Variants in TP63 observed in about 807,000 individuals in gnomAD.
TP63 encodes tumor protein 63.
TP63 carries 17 observed loss-of-function variants against 82.8 expected under a neutral mutation model. That is an observed-to-expected ratio of 0.21 (90% CI 0.14 to 0.31). TP63 has a LOEUF of 0.31. Ranked by LOEUF, TP63 falls within the 10% of genes least tolerant of loss-of-function variation. The pLI, the probability that TP63 is intolerant of heterozygous loss-of-function variation, is 1.00. For synonymous variants in TP63, 330 were observed against 321.7 expected (o/e 1.03, Z -0.28); for missense variants, 648 against 895.3 (o/e 0.72, Z 3.52).
chr3:189,747,293 A>G (rs1560153836), intron 3 of TP63, among the ~76,000 whole-genome samples: 1 of 152,140 alleles, frequency 6.6e-6, no homozygotes, highest in African/African-American at 2.4e-5. Context: ...GCTACGGAAT[A>G]CAGATTCTTC....
intron 10 of TP63, chr3:189,873,267 T>C: frequency 2.0e-6 from 1 of 500,708 alleles, no homozygotes; most frequent in Non-Finnish European, 3.6e-6. Flanking sequence ...AGTTCTCGTC[T>C]CTATATGCCT....
intron 8 of TP63, among the ~76,000 whole-genome samples, chr3:189,868,917 C>T (rs561074099): frequency 6.6e-6 from 1 of 152,286 alleles, no homozygotes; most frequent in African/African-American, 2.4e-5. Flanking sequence ...AACAAGTAGT[C>T]ATTGTGACAA....
At chr3:189,644,605 G>C (rs1712235377) in intron 1 of TP63, among the ~76,000 whole-genome samples, 1 of 152,020 alleles carries the variant, frequency 6.6e-6, no homozygotes, top group Admixed American at 6.6e-5. Context: ...GCTGATTTCT[G>C]GGATTCTGGT....
At chr3:189,634,052 A>G (rs1453180151) in intron 1 of TP63, among the ~76,000 whole-genome samples, 1 of 152,110 alleles carries the variant, frequency 6.6e-6, no homozygotes, top group African/African-American at 2.4e-5. Context: ...TTAGTATGAT[A>G]ATGTATATGG....
chr3:189,637,025 T>C (rs939540260), intron 1 of TP63, among the ~76,000 whole-genome samples: 1 of 152,154 alleles, frequency 6.6e-6, no homozygotes, highest in Non-Finnish European at 1.5e-5. Flanking sequence ...GGCCAGAGCC[T>C]ATCTCAGCAG....
Position 189,871,859 on chromosome 3 carries a change from C to T in TP63, c.1213-1000C>T, listed in dbSNP as rs149248631. The stretch of plus-strand genomic sequence containing the variant: ...ACCTCACCTCCCCAGGTAGCTGGGA[C>T]CACAGGTGTGGGCCACCACGCCCAC... On this transcript the variant is annotated intron_variant, in intron 9 of 13. Transcript: ENST00000264731. Among the ~76,000 whole-genome samples the T allele has an allele frequency of 4.0e-3, 615 of 152,250 alleles. 6 individuals carry two copies. Among genetic ancestry groups the T allele is most frequent in the African/African-American group, 0.014 (575 of 41,550 alleles).
intron 5 of TP63, among the ~76,000 whole-genome samples, chr3:189,865,234 T>A (rs1717564999): frequency 6.6e-6 from 1 of 151,664 alleles, no homozygotes; most frequent in Non-Finnish European, 1.5e-5. Context: ...AGGCAAGTAA[T>A]GGGTAAGGGG....
intron 1 of TP63, among the ~76,000 whole-genome samples, chr3:189,722,311 G>A (rs1719450202): frequency 6.6e-6 from 1 of 152,206 alleles, no homozygotes; most frequent in African/African-American, 2.4e-5. Context: ...GTTTGGAATT[G>A]GCAGGTAAGG....
chr3:189,807,087 C>G (rs1302508009), intron 3 of TP63, among the ~76,000 whole-genome samples: 1 of 151,214 alleles, frequency 6.6e-6, no homozygotes, highest in Non-Finnish European at 1.5e-5. Context: ...ATTTTTTTTT[C>G]TCATTCATTA....
In TP63 at chr3:189,649,049, C is replaced by T. The variant is rs900410997; in HGVS notation, c.62+17472C>T. On this transcript the variant is annotated intron_variant, in intron 1 of 13. Coordinates refer to ENST00000264731, the MANE Select transcript of TP63 (RefSeq NM_003722.5). ...TACTAAGCACCATCTATGGGCTAAG[C>T]CTTATACCAGGCACTAGTTAGCAAA... Among the ~76,000 whole-genome samples the T allele has an allele frequency of 8.8e-5, 13 of 147,046 alleles. 1 individual carries two copies. Among genetic ancestry groups the T allele is most frequent in the Admixed American group, 6.0e-4 (9 of 14,936 alleles).
At chr3:189,712,308 C>A (rs908517441) in intron 1 of TP63, among the ~76,000 whole-genome samples, 1 of 152,104 alleles carries the variant, frequency 6.6e-6, no homozygotes, top group Non-Finnish European at 1.5e-5. Flanking sequence ...AGAAAGTTTT[C>A]TGAAATATTC....
intron 4 of TP63, among the ~76,000 whole-genome samples, chr3:189,861,325 A>T (rs1049994291): frequency 1.3e-5 from 2 of 151,540 alleles, no homozygotes; most frequent in African/African-American, 4.8e-5. Flanking sequence ...TGCAAAGGAC[A>T]TGATTTCAGG....
chr3:189,684,823 G>T (rs1385390794), intron 1 of TP63, among the ~76,000 whole-genome samples: 1 of 151,748 alleles, frequency 6.6e-6, no homozygotes, highest in African/African-American at 2.4e-5. Flanking sequence ...GTAGAAATGG[G>T]GTTTCTCCAT....
At chr3:189,851,669 A>G (rs950758831) in intron 4 of TP63, among the ~76,000 whole-genome samples, 3 of 152,200 alleles carry the variant, frequency 2.0e-5, no homozygotes, top group African/African-American at 7.2e-5. Flanking sequence ...GAACAAGGGC[A>G]GGCGGTCCCC....
chr3:189,749,836 A>G (rs919100769), intron 3 of TP63, among the ~76,000 whole-genome samples: 1 of 152,156 alleles, frequency 6.6e-6, no homozygotes, highest in Non-Finnish European at 1.5e-5. Context: ...ATAAAAAAGG[A>G]ATGAAGGCCA....
chr3:189,883,173 T>C (rs1051283231), intron 10 of TP63, among the ~76,000 whole-genome samples: 1 of 113,520 alleles, frequency 8.8e-6, no homozygotes, highest in Non-Finnish European at 1.9e-5. Context: ...ACTATTGTAT[T>C]AAATTTGTAA....
intron 3 of TP63, among the ~76,000 whole-genome samples, chr3:189,750,752 C>T (rs907342257): frequency 6.6e-6 from 1 of 152,034 alleles, no homozygotes; most frequent in Non-Finnish European, 1.5e-5. Context: ...TTATCTTGAT[C>T]GTATTGTTTA....
At chr3:189,620,520 A>AAC in the TP63 span, among the ~76,000 whole-genome samples, 1 of 151,738 alleles carries the variant, frequency 6.6e-6, no homozygotes, top group Non-Finnish European at 1.5e-5. Flanking sequence ...AAAAAAACAA[A>AAC]AAAAAAAAAC....
At chr3:189,681,736 T>C (rs1715922074) in intron 1 of TP63, among the ~76,000 whole-genome samples, 1 of 152,090 alleles carries the variant, frequency 6.6e-6, no homozygotes, top group Non-Finnish European at 1.5e-5. Context: ...GTAAATATTT[T>C]CCAAAAAATA....
Sources: gnomAD v4.1 joint callset for allele counts (sites outside exome capture counted in the v4.1 genomes callset) on GRCh38, gnomAD v4.1.1 for gene constraint, MANE v1.5 for transcripts, NCBI Gene and HGNC (gene_info 2026-07-23, HGNC 2026-07-21) for gene names.